Variants in KIF22 observed in about 807,000 individuals in gnomAD.
The protein encoded by KIF22 is kinesin family member 22.
Under a neutral mutation model 73.0 loss-of-function variants are expected in KIF22, and 62 were observed. The observed-to-expected ratio is 0.85, with a 90% CI of 0.69 to 1.05. KIF22 has a LOEUF of 1.05. Among genes scored for constraint, KIF22 ranks in the 50% least tolerant of loss-of-function variants. The pLI, the probability that KIF22 is intolerant of heterozygous loss-of-function variation, is 0.00. For synonymous variants in KIF22, 411 were observed against 340.1 expected (o/e 1.21, Z -2.29); for missense variants, 854 against 870.1 (o/e 0.98, Z 0.23).
Position 29,796,920 on chromosome 16 carries a change from T to C in KIF22, c.98T>C (p.Ile33Thr), listed in dbSNP as rs113256823. ...SGAGRCRLSK[I>T]GATRRPPPAR... ...GCTGGTCGCTGTCGGCTAAGCAAGA[T>C]TGGAGCTACTCGTCGTCCACCTCCA... Residue 33 changes from isoleucine (I) to threonine (T), a missense_variant, in exon 2 of 14, where the codon ATT becomes ACT. Around this residue, in one of 3 missense-constraint regions of KIF22, gnomAD observed 186 missense variants for 152.9 expected, o/e 1.22. Coordinates refer to ENST00000160827, the MANE Select transcript of KIF22 (RefSeq NM_007317.3). 890 of 1,614,076 alleles carry C rather than the reference T, an allele frequency of 5.5e-4. 7 individuals carry two copies. The African/African-American group carries it at 0.01, about 18-fold the overall frequency.
chr16:29,793,026 G>A (rs1898857722), intron 1 of KIF22, among the ~76,000 whole-genome samples: 2 of 152,190 alleles, frequency 1.3e-5, no homozygotes, highest in African/African-American at 4.8e-5. Flanking sequence ...GAACTGATGT[G>A]GGAGGTAAGA....
At chr16:29,803,062 C>A in intron 9 of KIF22, 125 bp downstream of exon 9, 1 of 920,388 alleles carries the variant, frequency 1.1e-6, no homozygotes, top group Non-Finnish European at 1.7e-6. Context: ...ACCGGAAGTT[C>A]TCCAGCTTCT....
Position 29,798,310 on chromosome 16 carries a change from CCTTACA to C in KIF22, c.267-62_267-57del. 6 of 1,402,910 alleles carry C rather than the reference CCTTACA, an allele frequency of 4.3e-6. No homozygotes were observed. The highest frequency in any genetic ancestry group is 4.7e-6 in the Non-Finnish European group (5 of 1,070,456). 86.9% of individuals were successfully genotyped at this position (1,402,910 alleles called of 1,614,324 possible). A position where few individuals can be genotyped will look rare whatever the true frequency, so the allele number is the denominator to read the frequency against. On this transcript the variant is annotated intron_variant, in intron 2 of 13. Coordinates refer to ENST00000160827, the MANE Select transcript of KIF22 (RefSeq NM_007317.3). This position sits in a 1 kb window ranked among gnomAD's most constrained non-coding sequence, Gnocchi z 4.1. ...TTACCCACCCCCACCCCACTCCACCCCTTACACACACACACACACACACACACACAC... is the reference window on the plus strand; with the variant it reads ...TTACCCACCCCCACCCCACTCCACCCCACACACACACACACACACACACAC...
In KIF22 at chr16:29,798,265, C is replaced by G. The variant is rs1263629748; in HGVS notation, c.267-109C>G. 1 of 1,526,476 alleles carries G rather than the reference C, an allele frequency of 6.6e-7. No individual in the cohort carries two copies. Among genetic ancestry groups the G allele is most frequent in the Non-Finnish European group, 8.8e-7 (1 of 1,142,840 alleles). 94.6% of individuals were successfully genotyped at this position (1,526,476 alleles called of 1,614,324 possible). On this transcript the variant is annotated intron_variant, in intron 2 of 13. Coordinates refer to ENST00000160827, the MANE Select transcript of KIF22 (RefSeq NM_007317.3). The surrounding 1 kb of genome is among the most constrained non-coding windows in gnomAD (Gnocchi z 4.1). The stretch of plus-strand genomic sequence containing the variant: ...AGAGACGTTCTCTTAAATCCAAGGT[C>G]CAGATGAGAGTAGAATCCCTTACCC...
chr16:29,798,585 C>T lies in KIF22; in HGVS notation c.395-8C>T. On this transcript the variant is annotated splice_region_variant and splice_polypyrimidine_tract_variant and intron_variant, in intron 3 of 13. Coordinates refer to ENST00000160827, the MANE Select transcript of KIF22 (RefSeq NM_007317.3). This position sits in a 1 kb window ranked among gnomAD's most constrained non-coding sequence, Gnocchi z 4.1. ...AAAACCTCACAGTTTTCTCCACTCT[C>T]TTCCCAGGGAAGACGCACACAATGC... The T allele has an allele frequency of 2.5e-6, 4 of 1,613,858 alleles. No homozygotes were observed. The highest frequency in any genetic ancestry group is 2.7e-5 in the African/African-American group (2 of 75,026).
At chr16:29,803,689 T>C (rs1426161947) in intron 10 of KIF22, 81 bp downstream of exon 10, 3 of 1,174,736 alleles carry the variant, frequency 2.6e-6, no homozygotes, top group East Asian at 4.9e-5. Context: ...GCTGTCTCCA[T>C]GTCATTCATA....
intron 1 of KIF22, among the ~76,000 whole-genome samples, chr16:29,793,878 G>T (rs970006322): frequency 3.3e-5 from 5 of 152,262 alleles, no homozygotes; most frequent in African/African-American, 1.2e-4. Flanking sequence ...GAAGGGAAAA[G>T]TGTGTTTCCC....
Position 29,796,800 on chromosome 16 carries a change from G to A in KIF22, c.71-93G>A, listed in dbSNP as rs975022282. The A allele has an allele frequency of 6.8e-6, 8 of 1,182,410 alleles. No homozygotes were observed. The African/African-American group carries it at 7.5e-5, about 11-fold the overall frequency. The allele number at this position is 1,182,410 out of a possible 1,614,324, so 73.2% of individuals were successfully genotyped here. A position where few individuals can be genotyped will look rare whatever the true frequency, so the allele number is the denominator to read the frequency against. On this transcript the variant is annotated intron_variant, in intron 1 of 13. Coordinates refer to ENST00000160827, the MANE Select transcript of KIF22 (RefSeq NM_007317.3). ...AGGGCAGAATGAGCTTCTCCAACAT[G>A]AGCTGTGGCCCCCAGCCCGCCCAGC...
Position 29,805,243 on chromosome 16 carries a change from C to T in KIF22, c.1951-20C>T. 1 of 1,613,714 alleles carries T rather than the reference C, an allele frequency of 6.2e-7. No individual in the cohort carries two copies. The highest frequency in any genetic ancestry group is 8.5e-7 in the Non-Finnish European group (1 of 1,179,908). ...GCGCCCCTCTCTAACGTCGCTGTCT[C>T]CCTCCCTCCTGTGTTGCAGGCAAAC... is the stretch of plus-strand genomic sequence containing the variant. On this transcript the variant is annotated intron_variant, in intron 13 of 13. Coordinates refer to ENST00000160827, the MANE Select transcript of KIF22 (RefSeq NM_007317.3).
At chr16:29,796,040 G>T (rs1169275268) in intron 1 of KIF22, among the ~76,000 whole-genome samples, 2 of 152,060 alleles carry the variant, frequency 1.3e-5, no homozygotes, top group Non-Finnish European at 2.9e-5. Context: ...GGAGGCCAAG[G>T]CAGGCAGATC....
intron 11 of KIF22, 191 bp downstream of exon 11, chr16:29,804,256 C>T: frequency 1.6e-6 from 1 of 630,572 alleles, no homozygotes; most frequent in Non-Finnish European, 2.9e-6. Context: ...GGGTGGAAGG[C>T]AGTGATGTGG....
Position 29,796,941 on chromosome 16 carries a change from C to G in KIF22, c.119C>G (p.Pro40Arg). ...AAGATTGGAGCTACTCGTCGTCCAC[C>G]TCCAGCTCGCGTAAGGGTGGCTGTG... ...LSKIGATRRP[P>R]PARVRVAVRL... Residue 40 changes from proline to arginine, a missense_variant, in exon 2 of 14, where the codon CCT becomes CGT. Physicochemically the swap from Pro to Arg is moderately radical, Grantham distance 103 (BLOSUM62 -2). Transcript: ENST00000160827. The G allele has an allele frequency of 6.2e-7, 1 of 1,614,120 alleles. No homozygotes were observed.
chr16:29,791,047 A>G, intron 1 of KIF22: 1 of 1,407,796 alleles, frequency 7.1e-7, no homozygotes, highest in Non-Finnish European at 9.2e-7. Context: ...GGGTCAGTAG[A>G]CTCGGGTCTC....
rs767310725 is a variant in KIF22 at position 29,797,941 on chromosome 16, C to T, written c.267-433C>T. Among the ~76,000 whole-genome samples the T allele has an allele frequency of 6.6e-5, 10 of 152,124 alleles. No homozygotes were observed. Among genetic ancestry groups the T allele is most frequent in the Non-Finnish European group, 1.5e-4 (10 of 68,040 alleles). ...ATGGTGTAAAATACAATGTTCTACA[C>T]ATGTAGCCATTTGAAAAAGACTGGG... On this transcript the variant is annotated intron_variant, in intron 2 of 13. Transcript: ENST00000160827. The surrounding 1 kb of genome is among the most constrained non-coding windows in gnomAD (Gnocchi z 4.1).
In KIF22 at chr16:29,799,642, C is replaced by G. The variant is rs1226970762; in HGVS notation, c.1005C>G (p.Gly335=). The G allele has an allele frequency of 6.2e-7, 1 of 1,614,062 alleles. No homozygotes were observed. Among genetic ancestry groups the G allele is most frequent in the South Asian group, 1.1e-5 (1 of 91,068 alleles). The change falls in exon 7 of 14, where the codon GGC becomes GGG. Residue 335 remains glycine (G), a synonymous_variant. Transcript: ENST00000160827. ...LTRLLQDSLG[G]SAHSILIANI... ...CTCACCCTCAGGACTCTCTGGGTGG[C>G]TCAGCCCACAGTATCCTTATTGCCA... is the stretch of plus-strand genomic sequence containing the variant.
Position 29,798,266 on chromosome 16 carries a change from C to A in KIF22, c.267-108C>A. The stretch of plus-strand genomic sequence containing the variant: ...GAGACGTTCTCTTAAATCCAAGGTC[C>A]AGATGAGAGTAGAATCCCTTACCCA... On this transcript the variant is annotated intron_variant, in intron 2 of 13. Transcript: ENST00000160827. The surrounding 1 kb of genome is among the most constrained non-coding windows in gnomAD (Gnocchi z 4.1). 1 of 1,527,696 alleles carries A rather than the reference C, an allele frequency of 6.5e-7. No homozygotes were observed. The highest frequency in any genetic ancestry group is 8.7e-7 in the Non-Finnish European group (1 of 1,143,434). 94.6% of individuals were successfully genotyped at this position (1,527,696 alleles called of 1,614,324 possible).
At chr16:29,793,066 G>T (rs1190445253) in intron 1 of KIF22, among the ~76,000 whole-genome samples, 2 of 152,158 alleles carry the variant, frequency 1.3e-5, no homozygotes, top group Non-Finnish European at 2.9e-5. Context: ...CCCACTTTTG[G>T]GGTTGGTGCC....
At position 29,802,792 on chromosome 16, in the gene KIF22, T is replaced by C. The variant is rs775013851; in HGVS notation, c.1304T>C (p.Met435Thr). 12 of 1,594,114 alleles carry C rather than the reference T, an allele frequency of 7.5e-6. No individual in the cohort carries two copies. The highest frequency in any genetic ancestry group is 6.8e-5 in the African/African-American group (5 of 73,402). ...KLSPLQKLSS[M>T]DPAMLERLLS... ...AGCCCCCTACAGAAGCTAAGCAGCATGGACCCGGCCATGCTGGAGCGCCTC... is the reference window on the plus strand; with the variant it reads ...AGCCCCCTACAGAAGCTAAGCAGCACGGACCCGGCCATGCTGGAGCGCCTC... Residue 435 changes from methionine (M) to threonine (T), a missense_variant, in exon 9 of 14, where the codon ATG becomes ACG. Physicochemically the swap from Met to Thr is moderately conservative, Grantham distance 81. Coordinates refer to ENST00000160827, the MANE Select transcript of KIF22 (RefSeq NM_007317.3).
At position 29,804,900 on chromosome 16, in the gene KIF22, G is replaced by A. The variant is rs144499092; in HGVS notation, c.1764G>A (p.Gly588=). ...TCAGCCCGGAGCTACTGGCTCATGG[G>A]CGCCAAAAAATACTGGATCTGCTGA... ...LQISPELLAH[G]RQKILDLLNE... is the part of the protein sequence containing the mutation. Residue 588 remains glycine, a synonymous_variant, in exon 12 of 14, where the codon GGG becomes GGA. Transcript: ENST00000160827. The A allele has an allele frequency of 1.9e-6, 3 of 1,613,834 alleles. No individual in the cohort carries two copies. Among genetic ancestry groups the A allele is most frequent in the African/African-American group, 2.7e-5 (2 of 74,934 alleles).
Sources: gnomAD v4.1 joint callset for allele counts (sites outside exome capture counted in the v4.1 genomes callset) on GRCh38, gnomAD v4.1.1 for gene constraint, gnomAD v4.1.1 regional missense constraint, Gnocchi (gnomAD v3.1) non-coding constraint, MANE v1.5 for transcripts, NCBI Gene and HGNC (gene_info 2026-07-23, HGNC 2026-07-21) for gene names.